Variants in IL1RAPL1 observed in about 807,000 individuals in gnomAD.
IL1RAPL1 encodes the protein interleukin-1 receptor accessory protein-like 1.
IL1RAPL1 carries 3 observed loss-of-function variants against 48.4 expected under a neutral mutation model. The ratio of observed to expected loss-of-function variants is 0.06; its 90% confidence interval spans 0.03 to 0.16. The LOEUF (loss-of-function observed/expected upper bound fraction) is 0.16, where lower values mean the gene tolerates loss of function less well. Among genes scored for constraint, IL1RAPL1 ranks in the 10% least tolerant of loss-of-function variants. IL1RAPL1 has a pLI of 1.00. For missense variants in IL1RAPL1, 349 were observed against 530.6 expected, an observed-to-expected ratio of 0.66 and a Z score of 3.36; for synonymous variants, 185 against 187.7, an observed-to-expected ratio of 0.99 and a Z score of 0.12.
chrX:29,482,616 A>G (rs1291512299), intron 5 of IL1RAPL1, among the ~76,000 whole-genome samples: 2 of 112,602 alleles, frequency 1.8e-5, no homozygotes, highest in African/African-American at 6.4e-5. Context: ...ATACACATCT[A>G]TGCTATTGAT....
At chrX:29,380,107 C>T (rs1409376451) in intron 3 of IL1RAPL1, among the ~76,000 whole-genome samples, 1 of 109,037 alleles carries the variant, frequency 9.2e-6, no homozygotes, top group African/African-American at 3.4e-5. Flanking sequence ...TCTAAAAGAC[C>T]ATTCTTTTTT....
chrX:28,894,773 C>T (rs5943573), intron 2 of IL1RAPL1, among the ~76,000 whole-genome samples: 44,033 of 108,141 alleles, frequency 0.41, 6,729 homozygotes, highest in Middle Eastern at 0.57. Context: ...CTACAGGGTG[C>T]GGTCCTGGCT....
At chrX:28,777,730 A>C (rs941274011) in intron 1 of IL1RAPL1, among the ~76,000 whole-genome samples, 1 of 110,967 alleles carries the variant, frequency 9.0e-6, no homozygotes, top group Non-Finnish European at 1.9e-5. Context: ...AATAGTGATT[A>C]AACTTGTGAT....
At chrX:29,803,513 A>ATGTATACATATG (rs1930163446) in intron 6 of IL1RAPL1, among the ~76,000 whole-genome samples, 1 of 95,802 alleles carries the variant, frequency 1.0e-5, no homozygotes, top group Non-Finnish European at 2.0e-5. Flanking sequence ...ATGTGTATAT[A>ATGTATACATATG]TGTATATATG....
intron 1 of IL1RAPL1, among the ~76,000 whole-genome samples, chrX:28,622,152 C>T (rs1180216582): frequency 9.0e-6 from 1 of 111,440 alleles, no homozygotes; most frequent in Non-Finnish European, 1.9e-5. Context: ...ATGGGCAAAT[C>T]GTCTTCTTGA....
intron 2 of IL1RAPL1, among the ~76,000 whole-genome samples, chrX:29,113,631 C>A (rs1373996262): frequency 9.0e-6 from 1 of 111,544 alleles, no homozygotes; most frequent in Non-Finnish European, 1.9e-5. Context: ...CCTAGAGATT[C>A]TGCTTTTTTG....
chrX:29,681,356 G>A (rs1374796370), intron 6 of IL1RAPL1, among the ~76,000 whole-genome samples: 1 of 112,210 alleles, frequency 8.9e-6, no homozygotes, highest in Non-Finnish European at 1.9e-5. Flanking sequence ...TGTGTTTGGA[G>A]TAACTAATAA....
At chrX:28,873,465 A>G (rs1236411184) in intron 2 of IL1RAPL1, among the ~76,000 whole-genome samples, 1 of 105,973 alleles carries the variant, frequency 9.4e-6, no homozygotes, top group African/African-American at 3.4e-5. Context: ...GATATGAGTT[A>G]ATGTACATAG....
chrX:29,498,782 G>A (rs955071309), intron 5 of IL1RAPL1, among the ~76,000 whole-genome samples: 4 of 111,344 alleles, frequency 3.6e-5, no homozygotes, highest in Admixed American at 9.6e-5. Flanking sequence ...GTTGTATGTC[G>A]TGTATGTATA....
At chrX:28,738,087 A>G (rs1001961998) in intron 1 of IL1RAPL1, among the ~76,000 whole-genome samples, 1 of 112,286 alleles carries the variant, frequency 8.9e-6, no homozygotes, top group Non-Finnish European at 1.9e-5. Flanking sequence ...TACAGTGAAT[A>G]GCAATTTGCA....
In IL1RAPL1 at chrX:29,859,070, T is replaced by C. The variant is rs192764943; in HGVS notation, c.779-58394T>C. Among the ~76,000 whole-genome samples, 7 of 111,812 alleles carry C rather than the reference T, an allele frequency of 6.3e-5. No homozygotes were observed. The East Asian group carries it at 2.0e-3, about 32-fold the overall frequency. On this transcript the variant is annotated intron_variant, in intron 6 of 10. Transcript: ENST00000378993. ...CTTCTCTAATCCCACAATTACCACTTACCTTTTGAATCTACCCAAGGCCTG... is the reference window on the plus strand; with the variant it reads ...CTTCTCTAATCCCACAATTACCACTCACCTTTTGAATCTACCCAAGGCCTG...
chrX:28,994,314 T>C (rs1439614159), intron 2 of IL1RAPL1, among the ~76,000 whole-genome samples: 1 of 111,028 alleles, frequency 9.0e-6, no homozygotes, highest in Non-Finnish European at 1.9e-5. Context: ...GTCATAAAAG[T>C]GGGGGAATAG....
intron 2 of IL1RAPL1, among the ~76,000 whole-genome samples, chrX:28,878,736 T>G (rs1225065253): frequency 9.0e-6 from 1 of 111,346 alleles, no homozygotes; most frequent in East Asian, 2.8e-4. Flanking sequence ...ACCATCATTG[T>G]TTTTCAGGAT....
chrX:29,584,593 A>T (rs1923093034), intron 5 of IL1RAPL1, among the ~76,000 whole-genome samples: 1 of 111,306 alleles, frequency 9.0e-6, no homozygotes, highest in Non-Finnish European at 1.9e-5. Flanking sequence ...ACTTAAAATT[A>T]TCCAGGCTGG....
At chrX:29,247,203 T>G (rs1018970245) in intron 2 of IL1RAPL1, among the ~76,000 whole-genome samples, 9 of 112,286 alleles carry the variant, frequency 8.0e-5, no homozygotes, top group Admixed American at 4.7e-4. Flanking sequence ...AATTAAAATC[T>G]GTACCACAAG....
intron 5 of IL1RAPL1, among the ~76,000 whole-genome samples, chrX:29,478,221 T>C (rs752388960): frequency 1.2e-4 from 13 of 112,370 alleles, no homozygotes; most frequent in Non-Finnish European, 2.4e-4. Flanking sequence ...CTGCTCCTTT[T>C]ACAGACTTCT....
chrX:28,751,719 T>C (rs1245300129), intron 1 of IL1RAPL1, among the ~76,000 whole-genome samples: 5 of 112,389 alleles, frequency 4.4e-5, no homozygotes, highest in Non-Finnish European at 7.5e-5. Flanking sequence ...TGAGTAACTA[T>C]CTTTGACAAA....
chrX:28,734,476 C>T (rs1935795514), intron 1 of IL1RAPL1, among the ~76,000 whole-genome samples: 1 of 110,613 alleles, frequency 9.0e-6, no homozygotes, highest in Non-Finnish European at 1.9e-5. Context: ...TTGCTGTTCC[C>T]TCTGCCTAAA....
chrX:29,770,909 A>G (rs998468519), intron 6 of IL1RAPL1, among the ~76,000 whole-genome samples: 5 of 112,306 alleles, frequency 4.5e-5, no homozygotes, highest in Non-Finnish European at 9.4e-5. Context: ...AGCAGGATTC[A>G]GTGAGAATTT....
Sources: allele counts gnomAD v4.1 joint callset (sites outside exome capture counted in the v4.1 genomes callset), GRCh38; gene constraint gnomAD v4.1.1; transcripts MANE v1.5; gene names NCBI Gene and HGNC (gene_info 2026-07-23, HGNC 2026-07-21).